Variants in SORBS2 observed in about 807,000 individuals in gnomAD.
SORBS2 encodes sorbin and SH3 domain-containing protein 2.
In SORBS2, 46 loss-of-function variants were observed where a neutral mutation model predicts 97.7. The observed-to-expected ratio is 0.47, with a 90% CI of 0.37 to 0.60. The LOEUF (loss-of-function observed/expected upper bound fraction) is 0.60. SORBS2 is among the 20% of genes least tolerant of loss of function. The pLI, the probability that SORBS2 is intolerant of heterozygous loss-of-function variation, is 0.00. For synonymous variants in SORBS2, 476 were observed against 473.4 expected (o/e 1.01, Z -0.07); for missense variants, 1,316 against 1,282.3 (o/e 1.03, Z -0.40).
At chr4:185,950,261 A>AAG (rs2099276592) in intron 1 of SORBS2, among the ~76,000 whole-genome samples, 1 of 151,880 alleles carries the variant, frequency 6.6e-6, no homozygotes, top group Non-Finnish European at 1.5e-5. Context: ...AAAAAAAAAA[A>AAG]GAATACTTTG....
At chr4:185,617,550 A>G (rs146973408) in intron 9 of SORBS2, among the ~76,000 whole-genome samples, 99 of 152,226 alleles carry the variant, frequency 6.5e-4, no homozygotes, top group African/African-American at 2.2e-3. Context: ...TTCAGTGTAA[A>G]CAACATATAA....
chr4:185,683,770 T>A (rs1318920477), intron 2 of SORBS2, among the ~76,000 whole-genome samples: 1 of 152,196 alleles, frequency 6.6e-6, no homozygotes, highest in Non-Finnish European at 1.5e-5. Flanking sequence ...ATTCTGCATA[T>A]GGAAGTTCAT....
chr4:185,646,047 A>G (rs1188050196), intron 4 of SORBS2: 2 of 152,236 alleles, frequency 1.3e-5, no homozygotes, highest in African/African-American at 4.8e-5. Flanking sequence ...ATGACAATCA[A>G]TCAGGAAGCT....
At chr4:185,670,425 G>A (rs1582346607) in intron 4 of SORBS2, among the ~76,000 whole-genome samples, 2 of 152,112 alleles carry the variant, frequency 1.3e-5, no homozygotes, top group African/African-American at 4.8e-5. Context: ...GGCTTGACAT[G>A]GCCCTGAGGT....
chr4:185,945,820 T>C (rs1345061146), intron 1 of SORBS2, among the ~76,000 whole-genome samples: 1 of 152,116 alleles, frequency 6.6e-6, no homozygotes, highest in Non-Finnish European at 1.5e-5. Flanking sequence ...AATGGAGGGC[T>C]TCGGGCCGGA....
intron 1 of SORBS2, among the ~76,000 whole-genome samples, chr4:185,952,028 C>G (rs951363768): frequency 7.4e-6 from 1 of 135,118 alleles, no homozygotes; most frequent in Non-Finnish European, 1.7e-5. Flanking sequence ...GTTAAAATAG[C>G]TTCTTTTTTT....
At chr4:185,921,981 T>C (rs1307219938) in intron 1 of SORBS2, among the ~76,000 whole-genome samples, 2 of 152,214 alleles carry the variant, frequency 1.3e-5, no homozygotes, top group South Asian at 2.1e-4. Context: ...CTGGCTCACA[T>C]TGGGAAAACA....
intron 2 of SORBS2, among the ~76,000 whole-genome samples, chr4:185,693,028 T>C (rs1472910116): frequency 6.6e-6 from 1 of 152,158 alleles, no homozygotes; most frequent in Non-Finnish European, 1.5e-5. Flanking sequence ...TCGTTGTCCG[T>C]CTGCCCTGGG....
At chr4:185,769,241 G>A (rs1291410955) in intron 2 of SORBS2, among the ~76,000 whole-genome samples, 1 of 152,090 alleles carries the variant, frequency 6.6e-6, no homozygotes, top group Non-Finnish European at 1.5e-5. Context: ...TGTGAAATTC[G>A]CTTATGTTAT....
At chr4:185,638,915 TG>T in intron 4 of SORBS2, 1 of 1,491,848 alleles carries the variant, frequency 6.7e-7, no homozygotes, top group East Asian at 2.8e-5. Context: ...GAGCTTGGTG[TG>T]GGGGCGCCAC....
intron 14 of SORBS2, chr4:185,587,989 G>A (rs2095827752): frequency 3.4e-6 from 1 of 291,474 alleles, no homozygotes; most frequent in Non-Finnish European, 6.5e-6. Context: ...GGGGGCGGAG[G>A]AGCTCAGTCA....
chr4:185,686,598 G>T (rs1340961668), intron 2 of SORBS2, among the ~76,000 whole-genome samples: 3 of 152,234 alleles, frequency 2.0e-5, no homozygotes, highest in Non-Finnish European at 4.4e-5. Context: ...TGATAAGATG[G>T]AGGTGATGTT....
intron 2 of SORBS2, among the ~76,000 whole-genome samples, chr4:185,691,184 G>A (rs962538845): frequency 1.3e-5 from 2 of 151,802 alleles, no homozygotes; most frequent in African/African-American, 4.8e-5. Context: ...ACAGGCGTGA[G>A]CCACCGTGCC....
intron 1 of SORBS2, among the ~76,000 whole-genome samples, chr4:185,852,144 G>A (rs1046000764): frequency 6.6e-6 from 1 of 152,144 alleles, no homozygotes; most frequent in African/African-American, 2.4e-5. Context: ...AGTCAACACA[G>A]CTACAGGCAG....
At chr4:185,731,646 A>C (rs1301143826) in intron 2 of SORBS2, among the ~76,000 whole-genome samples, 217 of 16,740 alleles carry the variant, frequency 0.013, no homozygotes, top group Admixed American at 0.015. Flanking sequence ...CTCCCTGCCT[A>C]TCTCTCTCCC....
chr4:185,879,188 G>T (rs901377214), intron 1 of SORBS2, among the ~76,000 whole-genome samples: 4 of 81,718 alleles, frequency 4.9e-5, no homozygotes, highest in African/African-American at 2.4e-4. Flanking sequence ...CCCCACGACA[G>T]GCCCCGGTGT....
At chr4:185,854,457 T>A (rs1426388819) in intron 1 of SORBS2, among the ~76,000 whole-genome samples, 2 of 152,188 alleles carry the variant, frequency 1.3e-5, no homozygotes, top group Non-Finnish European at 2.9e-5. Flanking sequence ...GGCAGATGTC[T>A]GAAGCCAGGC....
chr4:185,587,912 A>G, intron 14 of SORBS2: 1 of 490,356 alleles, frequency 2.0e-6, no homozygotes, highest in Admixed American at 3.5e-5. Context: ...CTGCGCTGCC[A>G]TCGCGGCAGG....
intron 1 of SORBS2, among the ~76,000 whole-genome samples, chr4:185,933,557 G>T (rs781428297): frequency 1.3e-5 from 2 of 152,068 alleles, no homozygotes; most frequent in African/African-American, 4.8e-5. Flanking sequence ...CTTGCTGGCC[G>T]TCTTTGGCTT....
Sources: allele counts gnomAD v4.1 joint callset (sites outside exome capture counted in the v4.1 genomes callset), GRCh38; gene constraint gnomAD v4.1.1; transcripts MANE v1.5; gene names NCBI Gene and HGNC (gene_info 2026-07-23, HGNC 2026-07-21).